Variants in UGP2 observed in about 807,000 individuals in gnomAD.
UGP2 encodes the protein UTP--glucose-1-phosphate uridylyltransferase.
Under a neutral mutation model 49.0 loss-of-function variants are expected in UGP2, and 40 were observed. The observed-to-expected ratio is 0.82, with a 90% CI of 0.63 to 1.06. The LOEUF (loss-of-function observed/expected upper bound fraction) is 1.06, where lower values mean the gene tolerates loss of function less well. Among genes scored for constraint, UGP2 ranks in the 50% least tolerant of loss-of-function variants. UGP2 has a pLI of 0.00. For synonymous variants in UGP2, 225 were observed against 213.0 expected (o/e 1.06, Z -0.49); for missense variants, 460 against 603.5 (o/e 0.76, Z 2.49).
chr2:63,857,824 C>A lies in UGP2; in HGVS notation c.148-5C>A, dbSNP rs1269119180. 3.1e-6 allele frequency: 5 copies of A among 1,612,314 alleles called. No homozygotes were observed. The highest frequency in any genetic ancestry group is 2.2e-5 in the East Asian group (1 of 44,878). On this transcript the variant is annotated splice_polypyrimidine_tract_variant and splice_region_variant and intron_variant, in intron 2 of 9. Coordinates refer to ENST00000337130, the MANE Select transcript of UGP2 (RefSeq NM_006759.4). ...TGGTTGTAACAATGACTTCTATTTT[C>A]ACAGCACACCAAAAAAGACCTGGAT... is the stretch of plus-strand genomic sequence containing the variant.
At chr2:63,868,580 T>G (rs904802639) in intron 3 of UGP2, among the ~76,000 whole-genome samples, 1 of 152,210 alleles carries the variant, frequency 6.6e-6, no homozygotes, top group Non-Finnish European at 1.5e-5. Flanking sequence ...TTTCTGAATT[T>G]TCTAAGAATA....
Position 63,884,062 on chromosome 2 carries a change from CG to C in UGP2, c.545del (p.Arg182LeufsTer2). 6.2e-7 allele frequency: 1 copy of C among 1,612,362 alleles called. No individual in the cohort carries two copies. The highest frequency in any genetic ancestry group is 8.5e-7 in the Non-Finnish European group (1 of 1,179,604). ...KKILQKYNHC[R>X]VKIYTFNQSR... Reference sequence around the variant, plus strand: ...AATACTACAGAAGTACAATCATTGTCGTGTGAAAATCTACACTTTCAATCAA... The same window carrying C: ...AATACTACAGAAGTACAATCATTGTCTGTGAAAATCTACACTTTCAATCAA... On this transcript the variant is annotated frameshift_variant, in exon 5 of 10. Transcript: ENST00000337130. LOFTEE classifies it high-confidence loss of function.
chr2:63,849,332 C>A (rs1031786628), intron 1 of UGP2, among the ~76,000 whole-genome samples: 2 of 152,194 alleles, frequency 1.3e-5, no homozygotes, highest in Non-Finnish European at 2.9e-5. Flanking sequence ...GTATTTTCTT[C>A]TATTTGCTGC....
chr2:63,853,915 A>G (rs1205968784), intron 1 of UGP2, among the ~76,000 whole-genome samples: 1 of 152,226 alleles, frequency 6.6e-6, no homozygotes, highest in African/African-American at 2.4e-5. Flanking sequence ...AAATTGACTT[A>G]AAGTGTCTAG....
chr2:63,856,766 A>G (rs576138537), intron 2 of UGP2: 1 of 468,036 alleles, frequency 2.1e-6, no homozygotes, highest in African/African-American at 2.0e-5. Flanking sequence ...TTAGCTTCAT[A>G]TGTCCTGCAT....
At chr2:63,887,272 A>T in intron 7 of UGP2, 130 bp from the exon 8 acceptor site, 1 of 1,393,064 alleles carries the variant, frequency 7.2e-7, no homozygotes, top group Non-Finnish European at 9.7e-7. Context: ...CTCAAAAAAA[A>T]AAAAAAATTT....
At chr2:63,888,431 A>G (rs1386094155) in intron 8 of UGP2, 2 of 152,244 alleles carry the variant, frequency 1.3e-5, no homozygotes, top group Non-Finnish European at 2.9e-5. Context: ...AAATTTTAAA[A>G]ACAAAACACT....
chr2:63,854,214 G>A (rs916297496), intron 1 of UGP2, among the ~76,000 whole-genome samples: 4 of 152,212 alleles, frequency 2.6e-5, no homozygotes, highest in African/African-American at 9.7e-5. Flanking sequence ...GTAAAATGAT[G>A]AGAGTAGGTT....
chr2:63,887,204 A>G (rs531124893), intron 7 of UGP2, among the ~76,000 whole-genome samples, 198 bp from the exon 8 acceptor site: 31 of 151,952 alleles, frequency 2.0e-4, no homozygotes, highest in African/African-American at 7.0e-4. Context: ...GGCAGAGGCT[A>G]CAGTGAGCCG....
chr2:63,887,881 C>T (rs1326075661), intron 8 of UGP2: 2 of 499,154 alleles, frequency 4.0e-6, no homozygotes, highest in East Asian at 4.0e-5. Flanking sequence ...GGCATTTTAT[C>T]TTCTGTCTCT....
intron 3 of UGP2, among the ~76,000 whole-genome samples, chr2:63,861,897 T>G (rs1307394727): frequency 6.6e-6 from 1 of 152,086 alleles, no homozygotes; most frequent in African/African-American, 2.4e-5. Context: ...TTTCTTAGTC[T>G]ATCAATACAA....
intron 1 of UGP2, chr2:63,842,634 T>A (rs1406673296): frequency 7.0e-7 from 1 of 1,424,022 alleles, no homozygotes; most frequent in Admixed American, 2.8e-5. Flanking sequence ...GAAGCTTTAG[T>A]GTTCTCCGCT....
intron 3 of UGP2, among the ~76,000 whole-genome samples, chr2:63,874,611 G>A (rs1377945888): frequency 1.3e-5 from 2 of 152,188 alleles, no homozygotes; most frequent in African/African-American, 4.8e-5. Context: ...AGATGTATCT[G>A]AGAGTGCAGA....
At chr2:63,855,549 C>CTTTTTTTT in intron 1 of UGP2, 1 of 141,638 alleles carries the variant, frequency 7.1e-6, no homozygotes, top group Non-Finnish European at 1.3e-5. Flanking sequence ...TTTCTCTTTT[C>CTTTTTTTT]TTTTCTTTTT....
chr2:63,842,356 G>GA, intron 1 of UGP2, 152 bp downstream of exon 1: 1 of 1,602,682 alleles, frequency 6.2e-7, no homozygotes, highest in Non-Finnish European at 8.5e-7. Context: ...GAGCTGCCTT[G>GA]AGCTGCTGGG....
At chr2:63,871,488 G>T (rs1424664280) in intron 3 of UGP2, among the ~76,000 whole-genome samples, 3 of 152,184 alleles carry the variant, frequency 2.0e-5, no homozygotes, top group African/African-American at 7.2e-5. Flanking sequence ...GTTTTGCCGT[G>T]TTGGCCAGGC....
intron 2 of UGP2, among the ~76,000 whole-genome samples, chr2:63,857,362 GT>G (rs1558939284): frequency 1.3e-5 from 2 of 151,590 alleles, no homozygotes; most frequent in Non-Finnish European, 1.5e-5. Context: ...GTGTTTGTTT[GT>G]TTGTTTTTGT....
chr2:63,850,668 G>A (rs989053848), intron 1 of UGP2, among the ~76,000 whole-genome samples: 2 of 152,112 alleles, frequency 1.3e-5, no homozygotes, highest in African/African-American at 2.4e-5. Context: ...AAACTTCTTT[G>A]ACCATATCCC....
chr2:63,875,632 A>C (rs763069371), intron 3 of UGP2, among the ~76,000 whole-genome samples: 1 of 152,224 alleles, frequency 6.6e-6, no homozygotes, highest in Non-Finnish European at 1.5e-5. Context: ...CGTGTTCTTC[A>C]GTAGATTGCC....
Sources: gnomAD v4.1 joint callset for allele counts (sites outside exome capture counted in the v4.1 genomes callset) on GRCh38, gnomAD v4.1.1 for gene constraint, MANE v1.5 for transcripts, NCBI Gene and HGNC (gene_info 2026-07-23, HGNC 2026-07-21) for gene names.